Variants in EGFR observed in about 807,000 individuals in gnomAD.
EGFR encodes the protein avian erythroblastic leukemia viral (v-erb-b) oncogene homolog.
In EGFR, 58 loss-of-function variants were observed where a neutral mutation model predicts 143.0. The ratio of observed to expected loss-of-function variants is 0.41; its 90% CI spans 0.33 to 0.50. The LOEUF is 0.50. Among genes scored for constraint, EGFR ranks in the 20% least tolerant of loss-of-function variants. The pLI is 0.39. For missense variants in EGFR, 1,307 were observed against 1,579.0 expected (o/e 0.83, Z 2.92); for synonymous variants, 613 against 594.4 (o/e 1.03, Z -0.45).
intron 1 of EGFR, among the ~76,000 whole-genome samples, chr7:55,030,861 C>T (rs957938177): frequency 2.0e-5 from 3 of 152,160 alleles, no homozygotes; most frequent in African/African-American, 7.2e-5. Flanking sequence ...TGGTTTCACA[C>T]ATCAAATTAT....
At chr7:55,164,553 T>C (rs11977388) in intron 14 of EGFR, among the ~76,000 whole-genome samples, 39,747 of 152,132 alleles carry the variant, frequency 0.26, 5,605 homozygotes, top group South Asian at 0.39. Context: ...GTTAAATTTC[T>C]GTCATTAAAA....
chr7:55,046,352 G>T (rs1788175060), intron 1 of EGFR, among the ~76,000 whole-genome samples: 1 of 152,142 alleles, frequency 6.6e-6, no homozygotes, highest in South Asian at 2.1e-4. Flanking sequence ...CTGACATTCT[G>T]CTCTCTACAA....
At position 55,205,773 on chromosome 7, in the gene EGFR, C is replaced by T. The variant is rs1427972468; in HGVS notation, c.*156C>T. On this transcript the variant is annotated 3_prime_UTR_variant, in exon 28 of 28. Transcript: ENST00000275493. ...TACACCGACTAGCCAGGAAGTACTT[C>T]CACCTCGGGCACATTTTGGGAAGTT... 10 of 1,137,182 alleles carry T rather than the reference C, an allele frequency of 8.8e-6. No individual in the cohort carries two copies. In the East Asian group the frequency reaches 2.2e-4, roughly 25 times the overall value. The allele number at this position is 1,137,182 out of a possible 1,614,324, so 70.4% of individuals were successfully genotyped here. A position where few individuals can be genotyped will look rare whatever the true frequency, so the allele number is the denominator to read the frequency against.
intron 1 of EGFR, among the ~76,000 whole-genome samples, chr7:55,125,238 A>C (rs1243954690): frequency 6.6e-6 from 1 of 152,244 alleles, no homozygotes; most frequent in Non-Finnish European, 1.5e-5. Flanking sequence ...TTGTGTTTCA[A>C]GTTGGGAGAA....
rs770193776 is a variant in EGFR at position 55,173,074 on chromosome 7, C to T, written c.2011C>T (p.Arg671Cys). Reference sequence around the variant, plus strand: ...GGGGATCGGCCTCTTCATGCGAAGGCGCCACATCGTTCGGAAGCGCACGCT... The same window carrying T: ...GGGGATCGGCCTCTTCATGCGAAGGTGCCACATCGTTCGGAAGCGCACGCT... ...ALGIGLFMRRRHIVRKRTLRR... is the reference protein window; with the variant it reads ...ALGIGLFMRRCHIVRKRTLRR... Residue 671 changes from arginine to cysteine, a missense_variant, in exon 17 of 28, where the codon CGC becomes TGC. This residue lies in a region of EGFR where 348 missense variants were observed against 451.5 expected (regional missense o/e 0.77). Transcript: ENST00000275493. 10 of 1,613,354 alleles carry T rather than the reference C, an allele frequency of 6.2e-6. No individual in the cohort carries two copies. The highest frequency in any genetic ancestry group is 1.3e-5 in the African/African-American group (1 of 75,048).
At chr7:55,042,215 A>G (rs1361359089) in intron 1 of EGFR, among the ~76,000 whole-genome samples, 3 of 152,220 alleles carry the variant, frequency 2.0e-5, no homozygotes, top group Non-Finnish European at 4.4e-5. Context: ...ACTTTCATTT[A>G]CCTTGGAAAC....
chr7:55,127,459 C>T (rs1365912574), intron 1 of EGFR, among the ~76,000 whole-genome samples: 1 of 151,836 alleles, frequency 6.6e-6, no homozygotes, highest in Non-Finnish European at 1.5e-5. Context: ...TTCCCACCCC[C>T]TCACCCCCCA....
At chr7:55,164,489 C>T (rs1232307878) in intron 14 of EGFR, among the ~76,000 whole-genome samples, 1 of 152,162 alleles carries the variant, frequency 6.6e-6, no homozygotes, top group Non-Finnish European at 1.5e-5. Flanking sequence ...GATAGGCTGC[C>T]AGCGTGGCTG....
chr7:55,141,352 C>T (rs974232117), intron 1 of EGFR, among the ~76,000 whole-genome samples: 2 of 152,134 alleles, frequency 1.3e-5, no homozygotes, highest in Non-Finnish European at 1.5e-5. Flanking sequence ...AAATGGATCA[C>T]CACGTCCATT....
In EGFR at chr7:55,146,644, G is replaced by A. The variant is rs919891568; in HGVS notation, c.463G>A (p.Ala155Thr). The change falls in exon 4 of 28, where the codon GCC becomes ACC. Residue 155 changes from alanine (A) to threonine (T), a missense_variant. Physicochemically the swap from Ala to Thr is moderately conservative, Grantham distance 58 (BLOSUM62 0). Coordinates refer to ENST00000275493, the MANE Select transcript of EGFR (RefSeq NM_005228.5). ...HGAVRFSNNP[A>T]LCNVESIQWR... The stretch of plus-strand genomic sequence containing the variant: ...CGCCGTGCGGTTCAGCAACAACCCT[G>A]CCCTGTGCAACGTGGAGAGCATCCA... 1 of 1,613,966 alleles carries A rather than the reference G, an allele frequency of 6.2e-7. No homozygotes were observed. The highest frequency in any genetic ancestry group is 1.3e-5 in the African/African-American group (1 of 74,922).
At chr7:55,186,282 C>T (rs1787134928) in intron 20 of EGFR, among the ~76,000 whole-genome samples, 1 of 152,242 alleles carries the variant, frequency 6.6e-6, no homozygotes, top group African/African-American at 2.4e-5. Flanking sequence ...GCTTGCTCTA[C>T]ATTGCTTCCA....
chr7:55,159,100 A>G (rs927439161), intron 11 of EGFR, among the ~76,000 whole-genome samples: 5 of 152,032 alleles, frequency 3.3e-5, no homozygotes, highest in Non-Finnish European at 4.4e-5. Flanking sequence ...GCTCCTCCAC[A>G]AGGTGCACTC....
chr7:55,136,372 C>T (rs970993802), intron 1 of EGFR, among the ~76,000 whole-genome samples: 3 of 152,190 alleles, frequency 2.0e-5, no homozygotes, highest in African/African-American at 7.2e-5. Flanking sequence ...GACTGTCACT[C>T]TTCCCATACA....
intron 15 of EGFR, among the ~76,000 whole-genome samples, chr7:55,165,824 A>G (rs1785950827): frequency 6.6e-6 from 1 of 152,268 alleles, no homozygotes; most frequent in South Asian, 2.1e-4. Context: ...ATTGCCTGGA[A>G]TGTTGCTTAA....
chr7:55,025,735 A>T (rs1424588716), intron 1 of EGFR, among the ~76,000 whole-genome samples: 1 of 152,202 alleles, frequency 6.6e-6, no homozygotes, highest in African/African-American at 2.4e-5. Context: ...CACCGTCAGC[A>T]TCGAAATTGA....
intron 22 of EGFR, among the ~76,000 whole-genome samples, chr7:55,196,782 CT>C (rs370316535): frequency 0.058 from 8,208 of 142,336 alleles, 228 homozygotes; most frequent in Admixed American, 0.063. Context: ...TTATTCATTG[CT>C]TTTTTTTTTT....
chr7:55,073,371 G>T (rs1789944072), intron 1 of EGFR, among the ~76,000 whole-genome samples: 3 of 152,128 alleles, frequency 2.0e-5, no homozygotes, highest in Admixed American at 2.0e-4. Context: ...TGTGACTATA[G>T]AATGATTCTC....
chr7:55,160,111 C>T (rs771445724), intron 11 of EGFR, 28 bp from the exon 12 acceptor site: 3 of 1,612,194 alleles, frequency 1.9e-6, no homozygotes, highest in East Asian at 4.5e-5. Flanking sequence ...AATTTTTCAC[C>T]ACATGATTTT....
At chr7:55,019,600 T>G (rs947472578) in intron 1 of EGFR, among the ~76,000 whole-genome samples, 11 of 152,064 alleles carry the variant, frequency 7.2e-5, no homozygotes, top group Non-Finnish European at 1.5e-4. Context: ...GACACCGGGC[T>G]GCAGGCCAGG....
Sources: gnomAD v4.1 joint callset for allele counts (sites outside exome capture counted in the v4.1 genomes callset) on GRCh38, gnomAD v4.1.1 for gene constraint, gnomAD v4.1.1 regional missense constraint, MANE v1.5 for transcripts, NCBI Gene and HGNC (gene_info 2026-07-23, HGNC 2026-07-21) for gene names.